RNF150: variants seen among roughly 807,000 people sequenced by gnomAD.
The protein encoded by RNF150 is ring finger protein 150.
A neutral mutation model predicts 39.3 loss-of-function variants in RNF150; 24 were observed. The observed-to-expected ratio is 0.61, with a 90% CI of 0.44 to 0.86. The LOEUF is 0.86. Among genes scored for constraint, RNF150 ranks in the 40% least tolerant of loss-of-function variants. The pLI is 0.00. For missense variants in RNF150, 502 were observed against 587.8 expected, an observed-to-expected ratio of 0.85 and a Z score of 1.51; for synonymous variants, 255 against 227.3, an observed-to-expected ratio of 1.12 and a Z score of -1.10.
intron 1 of RNF150, among the ~76,000 whole-genome samples, chr4:141,022,675 A>G (rs572078543): frequency 6.6e-6 from 1 of 152,324 alleles, no homozygotes; most frequent in East Asian, 1.9e-4. Context: ...ATGGAAGCTC[A>G]TTTAGGAAAG....
intron 1 of RNF150, among the ~76,000 whole-genome samples, chr4:141,083,565 T>C (rs1738240556): frequency 6.6e-6 from 1 of 151,992 alleles, no homozygotes; most frequent in African/African-American, 2.4e-5. Context: ...CACAGCATCA[T>C]AAAAAGACGT....
intron 1 of RNF150, among the ~76,000 whole-genome samples, chr4:141,144,742 C>T (rs944635495): frequency 2.6e-5 from 4 of 151,924 alleles, no homozygotes; most frequent in Non-Finnish European, 4.4e-5. Flanking sequence ...TATAGGGCTT[C>T]GTGGTTCTTT....
intron 1 of RNF150, among the ~76,000 whole-genome samples, chr4:141,107,235 T>C (rs1739240948): frequency 6.6e-6 from 1 of 152,226 alleles, no homozygotes; most frequent in Non-Finnish European, 1.5e-5. Flanking sequence ...TAAGTGTGAA[T>C]TCTAGTGCTA....
intron 1 of RNF150, among the ~76,000 whole-genome samples, chr4:141,105,185 G>T (rs559544171): frequency 6.6e-6 from 1 of 152,126 alleles, no homozygotes; most frequent in Non-Finnish European, 1.5e-5. Flanking sequence ...GTATATAAGT[G>T]GGAATAACCC....
At chr4:141,129,802 T>G (rs1726844858) in intron 1 of RNF150, among the ~76,000 whole-genome samples, 2 of 152,148 alleles carry the variant, frequency 1.3e-5, no homozygotes, top group Non-Finnish European at 2.9e-5. Context: ...GACAAAACAA[T>G]TTCTATTTAA....
chr4:141,013,238 A>C (rs192581556), intron 1 of RNF150, among the ~76,000 whole-genome samples: 1 of 152,314 alleles, frequency 6.6e-6, no homozygotes, highest in East Asian at 1.9e-4. Context: ...ATGGACAGTA[A>C]AATACTCCAT....
chr4:141,003,415 G>A (rs1317694246), intron 1 of RNF150, among the ~76,000 whole-genome samples: 1 of 152,126 alleles, frequency 6.6e-6, no homozygotes, highest in Admixed American at 6.5e-5. Context: ...AAAGTCCATC[G>A]AGTGGACTGA....
At chr4:141,023,588 T>G (rs908841320) in intron 1 of RNF150, among the ~76,000 whole-genome samples, 1 of 152,092 alleles carries the variant, frequency 6.6e-6, no homozygotes, top group East Asian at 1.9e-4. Context: ...TTACCTAATA[T>G]ATGCAAAATA....
chr4:140,886,887 C>T (rs1301136979), intron 6 of RNF150, among the ~76,000 whole-genome samples: 1 of 152,208 alleles, frequency 6.6e-6, no homozygotes, highest in African/African-American at 2.4e-5. Flanking sequence ...CCTAAAGTTG[C>T]TAGCATTTAC....
At chr4:141,170,985 A>T (rs1578778796) in intron 1 of RNF150, among the ~76,000 whole-genome samples, 1 of 152,160 alleles carries the variant, frequency 6.6e-6, no homozygotes, top group Non-Finnish European at 1.5e-5. Context: ...CTAGAAGCTG[A>T]GAACACAAAG....
At chr4:140,936,029 A>T (rs1198225939) in intron 4 of RNF150, among the ~76,000 whole-genome samples, 1 of 152,232 alleles carries the variant, frequency 6.6e-6, no homozygotes, top group East Asian at 1.9e-4. Context: ...AAATGGAATC[A>T]TAAAGTATGT....
chr4:140,994,947 G>C (rs1456237115), intron 1 of RNF150, among the ~76,000 whole-genome samples: 2 of 152,102 alleles, frequency 1.3e-5, no homozygotes, highest in South Asian at 2.1e-4. Context: ...GGGTAAACAG[G>C]TATTTATAAC....
intron 1 of RNF150, among the ~76,000 whole-genome samples, chr4:141,142,874 C>CT (rs780341978): frequency 3.3e-3 from 468 of 142,310 alleles, no homozygotes; most frequent in African/African-American, 4.1e-3. Flanking sequence ...TCTTTTTTCT[C>CT]TTTTTTTTTT....
intron 1 of RNF150, among the ~76,000 whole-genome samples, chr4:141,105,185 G>A (rs559544171): frequency 2.6e-5 from 4 of 152,246 alleles, no homozygotes; most frequent in Admixed American, 2.0e-4. Flanking sequence ...GTATATAAGT[G>A]GGAATAACCC....
chr4:140,920,726 A>G (rs1731084267), intron 5 of RNF150, among the ~76,000 whole-genome samples: 2 of 152,156 alleles, frequency 1.3e-5, no homozygotes, highest in African/African-American at 4.8e-5. Context: ...TGCTATAAAG[A>G]CACATGCACA....
chr4:140,895,707 A>G (rs772275133), intron 6 of RNF150, among the ~76,000 whole-genome samples: 4 of 151,922 alleles, frequency 2.6e-5, no homozygotes, highest in Non-Finnish European at 5.9e-5. Flanking sequence ...TTGTTGTCTT[A>G]TCCTTTTTCT....
At chr4:140,921,080 A>G (rs1731109497) in intron 5 of RNF150, among the ~76,000 whole-genome samples, 1 of 150,808 alleles carries the variant, frequency 6.6e-6, no homozygotes, top group South Asian at 2.2e-4. Context: ...ACCTAACGCT[A>G]AATGACGAGT....
At chr4:141,078,629 CA>C (rs564217554) in intron 1 of RNF150, among the ~76,000 whole-genome samples, 2,446 of 141,484 alleles carry the variant, frequency 0.017, 56 homozygotes, top group African/African-American at 0.056. Flanking sequence ...AAAATACAAA[CA>C]AAAAAAAAAA....
intron 1 of RNF150, among the ~76,000 whole-genome samples, chr4:141,151,829 T>C (rs145463544): frequency 2.6e-5 from 4 of 152,208 alleles, no homozygotes; most frequent in Admixed American, 1.3e-4. Context: ...TGTGTTCCCA[T>C]GATAAAATAA....
Sources: gnomAD v4.1 joint callset for allele counts (sites outside exome capture counted in the v4.1 genomes callset) on GRCh38, gnomAD v4.1.1 for gene constraint, MANE v1.5 for transcripts, NCBI Gene and HGNC (gene_info 2026-07-23, HGNC 2026-07-21) for gene names.